The following SNTG2 variants were observed in gnomAD, a reference collection of about 807,000 sequenced individuals.
SNTG2 encodes the protein syntrophin gamma 2.
SNTG2 carries 74 observed loss-of-function variants against 70.9 expected under a neutral mutation model. The observed-to-expected ratio is 1.04, with a 90% CI of 0.86 to 1.27. The LOEUF (loss-of-function observed/expected upper bound fraction) is 1.27. Among genes scored for constraint, SNTG2 ranks in the 50% most tolerant of loss-of-function variants. SNTG2 has a pLI of 0.00. For missense variants in SNTG2, 717 were observed against 690.7 expected (o/e 1.04, Z -0.43); for synonymous variants, 278 against 273.8 (o/e 1.02, Z -0.15).
intron 4 of SNTG2, 38 bp downstream of exon 4, chr2:1,098,448 C>T (rs368732989): frequency 3.5e-5 from 56 of 1,578,800 alleles, no homozygotes; most frequent in Non-Finnish European, 4.7e-5. Context: ...TGCATCACAG[C>T]CATTTGTGAG....
intron 1 of SNTG2, among the ~76,000 whole-genome samples, chr2:972,165 A>G (rs1660765607): frequency 6.6e-6 from 1 of 152,130 alleles, no homozygotes; most frequent in Non-Finnish European, 1.5e-5. Flanking sequence ...TATTTGGTCA[A>G]ATACTAAGTT....
At chr2:1,121,581 G>A (rs549113871) in intron 4 of SNTG2, among the ~76,000 whole-genome samples, 9 of 152,218 alleles carry the variant, frequency 5.9e-5, no homozygotes, top group South Asian at 2.1e-4. Flanking sequence ...TCACAGTTCC[G>A]CATGGCTGGG....
rs1348594054 is a variant in SNTG2, at chr2:1,312,768, C to T, written c.1378-3497C>T. 2.6e-5 allele frequency among the ~76,000 whole-genome samples: 4 copies of T among 152,196 alleles called. No individual in the cohort carries two copies. The East Asian group carries it at 7.7e-4, about 29-fold the overall frequency. ...CTCACAAGAGTGTCCTGGTGCTGTC[C>T]TGGCCCCCATGGGACCTGCTCCTTA... is the stretch of plus-strand genomic sequence containing the variant. On this transcript the variant is annotated intron_variant, in intron 15 of 16. Transcript: ENST00000308624.
intron 4 of SNTG2, among the ~76,000 whole-genome samples, chr2:1,133,941 C>T (rs1162100105): frequency 6.6e-6 from 1 of 152,066 alleles, no homozygotes; most frequent in East Asian, 1.9e-4. Flanking sequence ...GTAAAGATGG[C>T]GTGTCCGGAG....
intron 1 of SNTG2, among the ~76,000 whole-genome samples, chr2:987,641 G>A (rs760333824): frequency 3.9e-5 from 6 of 152,110 alleles, no homozygotes; most frequent in African/African-American, 2.4e-5. Context: ...CAGGACTTCC[G>A]AGTTCCAGAG....
In SNTG2 at chr2:1,203,718, GTGTATA is replaced by G. The variant is rs745782115; in HGVS notation, c.592-5371_592-5366del. Among the ~76,000 whole-genome samples, 77 of 150,486 alleles carry G rather than the reference GTGTATA, an allele frequency of 5.1e-4. No homozygotes were observed. The East Asian group carries it at 0.011, about 22-fold the overall frequency. ...TGTGTGTGTGTGTGTGTGTGTATGT[GTGTATA>G]TGTATATGTATATATATGGACCAAT... On this transcript the variant is annotated intron_variant, in intron 8 of 16. Coordinates refer to ENST00000308624, the MANE Select transcript of SNTG2 (RefSeq NM_018968.4).
intron 1 of SNTG2, among the ~76,000 whole-genome samples, chr2:1,036,692 T>C (rs1255424788): frequency 6.6e-6 from 1 of 151,228 alleles, no homozygotes; most frequent in African/African-American, 2.4e-5. Context: ...TGGTTTTGTT[T>C]GTTATAATTG....
chr2:1,009,856 C>G (rs1228620891), intron 1 of SNTG2, among the ~76,000 whole-genome samples: 1 of 152,164 alleles, frequency 6.6e-6, no homozygotes, highest in Non-Finnish European at 1.5e-5. Context: ...CCCTATGTTC[C>G]TATTGCCCCC....
intron 1 of SNTG2, among the ~76,000 whole-genome samples, chr2:1,072,349 C>CTTTTTTTTT (rs201149926): frequency 3.3e-5 from 2 of 61,410 alleles, no homozygotes; most frequent in African/African-American, 4.7e-5. Flanking sequence ...TTTTCTTTTT[C>CTTTTTTTTT]TTTTTTTTTT....
chr2:1,076,503 TATAGA>T (rs1195115508), intron 1 of SNTG2, among the ~76,000 whole-genome samples: 2 of 152,214 alleles, frequency 1.3e-5, no homozygotes, highest in East Asian at 3.9e-4. Flanking sequence ...ACTTTGAATC[TATAGA>T]ATAGCAATAA....
At chr2:1,299,650 A>G (rs1278177016) in intron 14 of SNTG2, among the ~76,000 whole-genome samples, 2 of 152,226 alleles carry the variant, frequency 1.3e-5, no homozygotes, top group Non-Finnish European at 2.9e-5. Flanking sequence ...TTTCGGAGGG[A>G]CACAAGTCAT....
At chr2:1,179,393 A>G (rs1244255338) in intron 8 of SNTG2, among the ~76,000 whole-genome samples, 3 of 152,194 alleles carry the variant, frequency 2.0e-5, no homozygotes, top group Non-Finnish European at 4.4e-5. Context: ...TCAATGTGCA[A>G]AAATCACAAG....
At position 1,034,869 on chromosome 2, in the gene SNTG2, C is replaced by G. The variant is rs192883204; in HGVS notation, c.73-48649C>G. Among the ~76,000 whole-genome samples, 610 of 152,314 alleles carry G rather than the reference C, an allele frequency of 4.0e-3. 2 individuals carry two copies. The highest frequency in any genetic ancestry group is 3.1e-3 in the Non-Finnish European group (213 of 68,018). On this transcript the variant is annotated intron_variant, in intron 1 of 16. Coordinates refer to ENST00000308624, the MANE Select transcript of SNTG2 (RefSeq NM_018968.4). ...GAATTTAGTACTGGACAAAATGGAT[C>G]TGATGGACCTCTAAACAACTTTCCA...
At chr2:1,250,286 A>G (rs1420800780) in intron 12 of SNTG2, among the ~76,000 whole-genome samples, 1 of 152,176 alleles carries the variant, frequency 6.6e-6, no homozygotes, top group Non-Finnish European at 1.5e-5. Context: ...ACAATAAAAA[A>G]CTAGCAGACA....
rs10198995 is a variant in SNTG2, at chr2:1,306,296, G to A, written c.1285-2198G>A. Among the ~76,000 whole-genome samples the A allele has an allele frequency of 9.9e-3, 1,501 of 152,284 alleles. 25 individuals are homozygous for A. Among genetic ancestry groups the A allele is most frequent in the African/African-American group, 0.033 (1,389 of 41,556 alleles). ...CCCGTTTATCCTGGAAGGGTCAGGA[G>A]CTGTGTGAAGCCCAAGGCAGATGGG... On this transcript the variant is annotated intron_variant, in intron 14 of 16. Coordinates refer to ENST00000308624, the MANE Select transcript of SNTG2 (RefSeq NM_018968.4).
rs929863125 is a variant in SNTG2 at position 1,098,281 on chromosome 2, T to C, written c.267+29T>C. 3.7e-6 allele frequency: 6 copies of C among 1,613,694 alleles called. No homozygotes were observed. The Admixed American group carries it at 5.0e-5, about 13-fold the overall frequency. ...TGGAAATGGTTTTCTCTATTCCTGC[T>C]TTTTATTTTTGAAGAACTTTCCAGT... On this transcript the variant is annotated intron_variant, in intron 3 of 16. Transcript: ENST00000308624.
intron 6 of SNTG2, among the ~76,000 whole-genome samples, chr2:1,144,028 T>A (rs1334419578): frequency 6.6e-6 from 1 of 152,194 alleles, no homozygotes; most frequent in Non-Finnish European, 1.5e-5. Context: ...GTGTTGAAGC[T>A]GTGGCTCTCA....
At chr2:1,041,559 G>A (rs753834965) in intron 1 of SNTG2, among the ~76,000 whole-genome samples, 1 of 152,122 alleles carries the variant, frequency 6.6e-6, no homozygotes, top group Non-Finnish European at 1.5e-5. Flanking sequence ...CCGATTCTTC[G>A]TGGCTTGGTG....
intron 6 of SNTG2, among the ~76,000 whole-genome samples, chr2:1,139,597 A>G (rs1425212961): frequency 6.6e-6 from 1 of 152,126 alleles, no homozygotes; most frequent in Non-Finnish European, 1.5e-5. Flanking sequence ...AGGCCTAGAC[A>G]GGAGGATCAC....
Sources: allele counts gnomAD v4.1 joint callset (sites outside exome capture counted in the v4.1 genomes callset), GRCh38; gene constraint gnomAD v4.1.1; transcripts MANE v1.5; gene names NCBI Gene and HGNC (gene_info 2026-07-23, HGNC 2026-07-21).